The following POLR2F variants were observed in gnomAD, a reference collection of about 807,000 sequenced individuals.
POLR2F encodes DNA-directed RNA polymerases I, II, and III subunit RPABC2.
A neutral mutation model predicts 22.7 loss-of-function variants in POLR2F; 12 were observed. The observed-to-expected ratio is 0.53, with a 90% CI of 0.34 to 0.86. POLR2F has a LOEUF of 0.86. Ranked by LOEUF, POLR2F falls within the 40% of genes least tolerant of loss-of-function variation. The pLI is 0.02. For synonymous variants in POLR2F, 57 were observed against 66.0 expected, an observed-to-expected ratio of 0.86 and a Z score of 0.66; for missense variants, 126 against 171.5, an observed-to-expected ratio of 0.73 and a Z score of 1.48.
intron 1 of POLR2F, among the ~76,000 whole-genome samples, chr22:37,996,492 G>C (rs3026654): frequency 0.03 from 4,644 of 152,344 alleles, 235 homozygotes; most frequent in African/African-American, 0.11. Flanking sequence ...TTTCTGGCCT[G>C]AAATTGGGGA....
chr22:38,038,816 T>G (rs997314121), intron 5 of POLR2F, among the ~76,000 whole-genome samples: 33 of 132,704 alleles, frequency 2.5e-4, no homozygotes, highest in African/African-American at 8.4e-4. Context: ...ACCCCGGGGC[T>G]GCGCGCTGAC....
chr22:38,006,107 G>A (rs1304523927), intron 1 of POLR2F, among the ~76,000 whole-genome samples: 1 of 152,042 alleles, frequency 6.6e-6, no homozygotes, highest in Admixed American at 6.6e-5. Flanking sequence ...TGTTGTCCTA[G>A]CTATTTGGGA....
intron 1 of POLR2F, among the ~76,000 whole-genome samples, chr22:38,012,060 C>G (rs932583328): frequency 6.6e-6 from 1 of 150,846 alleles, no homozygotes; most frequent in African/African-American, 2.4e-5. Flanking sequence ...AAATTTATCC[C>G]TAAGTATTTT....
chr22:37,972,145 G>C (rs576387871), downstream of POLR2F: 4 of 441,238 alleles, frequency 9.1e-6, no homozygotes, highest in Admixed American at 3.0e-5. Context: ...GAGAGAGGAG[G>C]GGGGAGGGGA....
rs200407893 is a variant in POLR2F, at chr22:37,967,106, G to T, written c.229G>T (p.Ala77Ser). The T allele has an allele frequency of 1.8e-4, 293 of 1,611,756 alleles. No individual in the cohort carries two copies. The highest frequency in any genetic ancestry group is 4.7e-5 in the Non-Finnish European group (55 of 1,178,352). The change falls in exon 4 of 5, where the codon GCC (alanine) becomes TCC (serine). Residue 77 changes from alanine to serine, a missense_variant. Transcript: ENST00000442738. ...CTGTCCCTATCCCTACAGGATGTGT[G>T]CCCCTGTGATGGTGGAGCTGGAGGG... ...GTRALQIAMCAPVMVELEGET... is the reference protein window; with the variant it reads ...GTRALQIAMCSPVMVELEGET...
intron 3 of POLR2F, among the ~76,000 whole-genome samples, chr22:37,960,722 A>G (rs1291903777): frequency 6.8e-6 from 1 of 147,496 alleles, no homozygotes; most frequent in Admixed American, 6.8e-5. Context: ...TTTAGTAGAG[A>G]CGGGGTTTCA....
At chr22:37,956,033 C>T (rs192011330) in intron 1 of POLR2F, among the ~76,000 whole-genome samples, 4 of 151,532 alleles carry the variant, frequency 2.6e-5, no homozygotes, top group Non-Finnish European at 5.9e-5. Context: ...ACATACTGGG[C>T]GAGACACAGA....
intron 5 of POLR2F, among the ~76,000 whole-genome samples, chr22:38,039,346 T>G (rs2085149507): frequency 6.6e-6 from 1 of 152,140 alleles, no homozygotes; most frequent in South Asian, 2.1e-4. Context: ...GGACACAATT[T>G]CTGTCCACTG....
chr22:37,984,410 C>T (rs1010130580), upstream of POLR2F: 2 of 152,310 alleles, frequency 1.3e-5, no homozygotes, highest in Non-Finnish European at 2.9e-5. This position sits in a 1 kb window ranked among gnomAD's most constrained non-coding sequence, Gnocchi z 4.4. Flanking sequence ...GGTGTGCGGT[C>T]CAGCTCGGGG....
In POLR2F at chr22:37,980,279, G is replaced by T. The variant is rs1352912622; in HGVS notation, c.293+13109G>T. 6.6e-6 allele frequency among the ~76,000 whole-genome samples: 1 copy of T among 152,094 alleles called. No homozygotes were observed. Among genetic ancestry groups the T allele is most frequent in the East Asian group, 1.9e-4 (1 of 5,190 alleles). On this transcript the variant is annotated intron_variant, in intron 4 of 4. Transcript: ENST00000405557. The surrounding 1 kb of genome is among the most constrained non-coding windows in gnomAD (Gnocchi z 4.1). ...AACCCACAGAGGAGAGAGCTGCTCCGCCAGCAGTGGACCCCAACAGAGGGG... is the reference window on the plus strand; with the variant it reads ...AACCCACAGAGGAGAGAGCTGCTCCTCCAGCAGTGGACCCCAACAGAGGGG...
chr22:38,006,262 G>A (rs3026662), intron 1 of POLR2F, among the ~76,000 whole-genome samples: 2 of 152,100 alleles, frequency 1.3e-5, no homozygotes, highest in Non-Finnish European at 2.9e-5. Flanking sequence ...CTGCAAAAAC[G>A]CTGGTCTAGA....
chr22:37,998,688 C>T (rs577466157), intron 1 of POLR2F, among the ~76,000 whole-genome samples: 47 of 152,230 alleles, frequency 3.1e-4, no homozygotes, highest in African/African-American at 1.1e-3. Context: ...GTCAGGGACT[C>T]TTGGGATGGC....
intron 3 of POLR2F, among the ~76,000 whole-genome samples, chr22:37,965,336 A>G (rs1266406155): frequency 6.6e-6 from 1 of 152,100 alleles, no homozygotes; most frequent in Non-Finnish European, 1.5e-5. Context: ...TAGGTTTTGG[A>G]TGGGGTTTCA....
intron 3 of POLR2F, among the ~76,000 whole-genome samples, chr22:37,963,893 G>C (rs1185782331): frequency 6.6e-6 from 1 of 152,256 alleles, no homozygotes; most frequent in South Asian, 2.1e-4. Context: ...CCTGAGGTCA[G>C]GAGTTCGAGA....
intron 1 of POLR2F, among the ~76,000 whole-genome samples, chr22:38,015,400 C>G (rs1569181114): frequency 6.6e-6 from 1 of 152,146 alleles, no homozygotes; most frequent in Non-Finnish European, 1.5e-5. Flanking sequence ...CTTCCTTCGT[C>G]TAGTTTGAGC....
Position 37,986,585 on chromosome 22 carries a change from C to A in POLR2F, c.120+273C>A, listed in dbSNP as rs557116932. ...CACGCTCTGTCTGCAGGAAGCCACG[C>A]TAGACAGAAGGGGCCACTCCCTCTC... On this transcript the variant is annotated intron_variant, in intron 1 of 2. Transcript: ENST00000333418. This position sits in a 1 kb window ranked among gnomAD's most constrained non-coding sequence, Gnocchi z 4.7. The A allele has an allele frequency of 1.5e-5, 11 of 736,778 alleles. No homozygotes were observed. Among genetic ancestry groups the A allele is most frequent in the Non-Finnish European group, 2.6e-5 (11 of 420,288 alleles). 45.6% of individuals were successfully genotyped at this position (736,778 alleles called of 1,614,324 possible).
chr22:38,006,779 T>C (rs1215787630), intron 1 of POLR2F, among the ~76,000 whole-genome samples: 1 of 152,220 alleles, frequency 6.6e-6, no homozygotes, highest in Non-Finnish European at 1.5e-5. Flanking sequence ...CCTCTGTTTA[T>C]GCCATTGTCC....
upstream of POLR2F, chr22:37,986,079 GCTGT>G: frequency 6.9e-7 from 1 of 1,443,914 alleles, no homozygotes; most frequent in South Asian, 1.4e-5. The surrounding 1 kb of genome is among the most constrained non-coding windows in gnomAD (Gnocchi z 4.7). Flanking sequence ...GAAACAGTGA[GCTGT>G]CTTTGTTCGA....
rs546870694 is a variant in POLR2F at position 37,959,447 on chromosome 22, C to T, written c.192C>T (p.Arg64=). 5.1e-5 allele frequency: 82 copies of T among 1,614,008 alleles called. No individual in the cohort carries two copies. The highest frequency in any genetic ancestry group is 3.0e-4 in the Admixed American group (18 of 60,010). ...TPYMTKYERA[R]VLGTRALQIA... is the part of the protein sequence containing the mutation. Reference sequence around the variant, plus strand: ...ACATGACCAAGTACGAGCGAGCCCGCGTGCTGGGCACCCGAGCGCTCCAGA... The same window carrying T: ...ACATGACCAAGTACGAGCGAGCCCGTGTGCTGGGCACCCGAGCGCTCCAGA... Residue 64 remains arginine (R), a synonymous_variant, in exon 3 of 5, where the codon CGC becomes CGT. Coordinates refer to ENST00000442738, the MANE Select transcript of POLR2F (RefSeq NM_021974.5).
Sources: allele counts gnomAD v4.1 joint callset (sites outside exome capture counted in the v4.1 genomes callset), GRCh38; gene constraint gnomAD v4.1.1; non-coding constraint Gnocchi (gnomAD v3.1); transcripts MANE v1.5; gene names NCBI Gene and HGNC (gene_info 2026-07-23, HGNC 2026-07-21).